Variants in DOCK10 observed in about 807,000 individuals in gnomAD.
DOCK10 encodes the protein dedicator of cytokinesis protein 10.
Under a neutral mutation model 280.1 loss-of-function variants are expected in DOCK10, and 145 were observed. That is an observed-to-expected ratio of 0.52 (90% CI 0.45 to 0.59). The LOEUF is 0.59. DOCK10 is among the 20% of genes least tolerant of loss of function. The pLI is 0.00. For missense variants in DOCK10, 2,368 were observed against 2,651.7 expected (o/e 0.89, Z 2.35); for synonymous variants, 915 against 942.2 (o/e 0.97, Z 0.53).
At chr2:224,833,956 C>G (rs1038265938) in intron 26 of DOCK10, among the ~76,000 whole-genome samples, 194 bp downstream of exon 26, 4 of 152,142 alleles carry the variant, frequency 2.6e-5, no homozygotes, top group Non-Finnish European at 5.9e-5. Flanking sequence ...CTGGCCCACT[C>G]TACTTTTTTC....
chr2:224,999,266 A>C (rs1439480228), intron 1 of DOCK10, among the ~76,000 whole-genome samples: 1 of 149,184 alleles, frequency 6.7e-6, no homozygotes, highest in Non-Finnish European at 1.5e-5. Context: ...TTTTTTCAAT[A>C]AGGGTCTCGC....
In DOCK10 at chr2:224,793,082, T is replaced by A. The variant is rs758304739; in HGVS notation, c.5213-10A>T. On this transcript the variant is annotated splice_polypyrimidine_tract_variant and intron_variant, in intron 46 of 55. Transcript: ENST00000258390. ...TCCACTTTCCAGTAACCTATGGTAG[T>A]GCAAGATGAGGTTAGGACATTGCTA... is the stretch of plus-strand genomic sequence containing the variant. 10 of 1,580,374 alleles carry A rather than the reference T, an allele frequency of 6.3e-6. No homozygotes were observed. In the East Asian group the frequency reaches 2.2e-4, roughly 35 times the overall value.
intron 1 of DOCK10, among the ~76,000 whole-genome samples, chr2:224,969,242 C>T (rs757953533): frequency 8.5e-5 from 13 of 152,130 alleles, no homozygotes; most frequent in Non-Finnish European, 1.8e-4. Flanking sequence ...CTCCACAATC[C>T]TAACGTTTCT....
At chr2:224,973,500 A>C (rs1285066851) in intron 1 of DOCK10, among the ~76,000 whole-genome samples, 4 of 152,070 alleles carry the variant, frequency 2.6e-5, no homozygotes, top group African/African-American at 7.2e-5. Context: ...CAGGACCACA[A>C]ACCAAGGAAT....
chr2:224,793,973 CTGA>C (rs1301123721), intron 45 of DOCK10, among the ~76,000 whole-genome samples: 2 of 152,134 alleles, frequency 1.3e-5, no homozygotes, highest in Non-Finnish European at 2.9e-5. Context: ...GATTATATGG[CTGA>C]TGTTATATTT....
chr2:224,897,348 C>A (rs1300259467), intron 3 of DOCK10, among the ~76,000 whole-genome samples: 4 of 152,112 alleles, frequency 2.6e-5, no homozygotes, highest in African/African-American at 7.2e-5. Flanking sequence ...TGTGTAATAA[C>A]CACATCATGG....
chr2:224,826,895 T>C lies in DOCK10; in HGVS notation c.3037-3248A>G, dbSNP rs532868588. Among the ~76,000 whole-genome samples, 5 of 151,844 alleles carry C rather than the reference T, an allele frequency of 3.3e-5. 1 individual carries two copies. The South Asian group carries it at 1.0e-3, about 32-fold the overall frequency. ...AGAGAATCACCTAAGTTGGGGAAGT[T>C]GAGGCTGCAGTGAGCTATGATTGTG... On this transcript the variant is annotated intron_variant, in intron 27 of 55. Coordinates refer to ENST00000258390, the MANE Select transcript of DOCK10 (RefSeq NM_014689.3).
intron 2 of DOCK10, among the ~76,000 whole-genome samples, chr2:224,918,988 G>C (rs1031648531): frequency 6.1e-5 from 9 of 147,580 alleles, no homozygotes; most frequent in African/African-American, 2.3e-4. Context: ...TGTGTTTGTG[G>C]TAAGTGTATG....
Position 224,854,829 on chromosome 2 carries a change from C to T in DOCK10, c.1888+134G>A. The stretch of plus-strand genomic sequence containing the variant: ...TTTCAACTTTTGGGAAAAAAAAAAC[C>T]CAAAACCTTGTAACCAACCAACTAG... On this transcript the variant is annotated intron_variant, in intron 16 of 55. Transcript: ENST00000258390. 6 of 599,136 alleles carry T rather than the reference C, an allele frequency of 1.0e-5. No individual in the cohort carries two copies. The South Asian group carries it at 1.1e-4, about 11-fold the overall frequency. The allele number at this position is 599,136 out of a possible 1,614,324, so 37.1% of individuals were successfully genotyped here. A position where few individuals can be genotyped will look rare whatever the true frequency, so the allele number is the denominator to read the frequency against.
At chr2:224,829,139 G>A (rs1295086523) in intron 27 of DOCK10, among the ~76,000 whole-genome samples, 1 of 152,218 alleles carries the variant, frequency 6.6e-6, no homozygotes, top group Non-Finnish European at 1.5e-5. Context: ...TTCAAGGACT[G>A]TTGCACACAG....
chr2:224,914,620 C>A (rs1279540606), intron 3 of DOCK10, among the ~76,000 whole-genome samples: 1 of 152,128 alleles, frequency 6.6e-6, no homozygotes, highest in Non-Finnish European at 1.5e-5. Context: ...CATAGAGAGA[C>A]ACCTTTTAAA....
chr2:224,924,841 G>A (rs1028733405), intron 2 of DOCK10, among the ~76,000 whole-genome samples: 6 of 152,162 alleles, frequency 3.9e-5, no homozygotes, highest in Non-Finnish European at 7.4e-5. Flanking sequence ...CCCCCAACTT[G>A]TGTGCCTTTT....
At chr2:224,883,258 G>A (rs1208279976) in intron 7 of DOCK10, among the ~76,000 whole-genome samples, 1 of 152,116 alleles carries the variant, frequency 6.6e-6, no homozygotes, top group Non-Finnish European at 1.5e-5. Flanking sequence ...AGCAAGTAGC[G>A]ATGCCCCTCT....
Position 224,955,807 on chromosome 2 carries a change from T to A in DOCK10, c.124-24139A>T, listed in dbSNP as rs115537738. On this transcript the variant is annotated intron_variant, in intron 1 of 55. Coordinates refer to ENST00000258390, the MANE Select transcript of DOCK10 (RefSeq NM_014689.3). ...TCCCCAATTAAAGGGCAAATTAACC[T>A]CTGGGTATGTGTTCTGCACCTCACT... 6.9e-3 allele frequency among the ~76,000 whole-genome samples: 1,049 copies of A among 152,334 alleles called. 13 individuals are homozygous for A. The highest frequency in any genetic ancestry group is 0.024 in the African/African-American group (987 of 41,562).
chr2:225,002,518 T>G (rs1422661808), intron 1 of DOCK10, among the ~76,000 whole-genome samples: 2 of 152,222 alleles, frequency 1.3e-5, no homozygotes, highest in Non-Finnish European at 2.9e-5. Flanking sequence ...TTCTTTGGCC[T>G]CAGTAGTTGA....
intron 24 of DOCK10, 25 bp from the exon 25 acceptor site, chr2:224,837,856 G>A (rs2125441040): frequency 6.2e-7 from 1 of 1,605,538 alleles, no homozygotes; most frequent in East Asian, 2.2e-5. Context: ...CTGTTCAGTG[G>A]CCTTTCTGGA....
chr2:224,871,113 C>A (rs946248164), intron 11 of DOCK10, among the ~76,000 whole-genome samples: 3 of 152,066 alleles, frequency 2.0e-5, no homozygotes, highest in Non-Finnish European at 1.5e-5. Flanking sequence ...AGGTGTGAGC[C>A]ACCGTGCCTG....
chr2:224,815,066 G>A (rs1410335110), intron 30 of DOCK10, among the ~76,000 whole-genome samples: 4 of 152,132 alleles, frequency 2.6e-5, no homozygotes, highest in African/African-American at 4.8e-5. Context: ...ATCCACACAC[G>A]TTAGGGGAGG....
intron 27 of DOCK10, 150 bp downstream of exon 27, chr2:224,830,391 C>T: frequency 2.4e-6 from 1 of 414,754 alleles, no homozygotes; most frequent in Non-Finnish European, 4.2e-6. Context: ...TTGGTGTACA[C>T]AATCATTTCT....
Sources: gnomAD v4.1 joint callset for allele counts (sites outside exome capture counted in the v4.1 genomes callset) on GRCh38, gnomAD v4.1.1 for gene constraint, MANE v1.5 for transcripts, NCBI Gene and HGNC (gene_info 2026-07-23, HGNC 2026-07-21) for gene names.